Variants in PDE1C observed in about 807,000 individuals in gnomAD.
PDE1C encodes dual specificity calcium/calmodulin-dependent 3',5'-cyclic nucleotide phosphodiesterase 1C.
A neutral mutation model predicts 93.1 loss-of-function variants in PDE1C; 62 were observed. The ratio of observed to expected loss-of-function variants is 0.67; its 90% CI spans 0.54 to 0.82. The LOEUF (loss-of-function observed/expected upper bound fraction) is 0.82. Among genes scored for constraint, PDE1C ranks in the 40% least tolerant of loss-of-function variants. PDE1C has a pLI of 0.00. For missense variants in PDE1C, 742 were observed against 884.6 expected, an observed-to-expected ratio of 0.84 and a Z score of 2.04; for synonymous variants, 325 against 310.1, an observed-to-expected ratio of 1.05 and a Z score of -0.50.
chr7:32,038,195 C>T (rs902888134), intron 2 of PDE1C, among the ~76,000 whole-genome samples: 2 of 152,150 alleles, frequency 1.3e-5, no homozygotes, highest in African/African-American at 2.4e-5. Context: ...CCTCTTTATG[C>T]AGACCTGCAA....
At chr7:31,932,385 A>G (rs1462691370) in intron 2 of PDE1C, among the ~76,000 whole-genome samples, 1 of 152,084 alleles carries the variant, frequency 6.6e-6, no homozygotes, top group African/African-American at 2.4e-5. Flanking sequence ...AAAGAAAACG[A>G]CCCCATCAAA....
chr7:31,961,769 T>C (rs1047068008), intron 2 of PDE1C, among the ~76,000 whole-genome samples: 1 of 152,176 alleles, frequency 6.6e-6, no homozygotes, highest in Non-Finnish European at 1.5e-5. Context: ...TACATAAATA[T>C]ATAAACACAT....
chr7:31,745,890 ACTCATTTGAT>A, the PDE1C span, among the ~76,000 whole-genome samples: 2 of 152,170 alleles, frequency 1.3e-5, no homozygotes, highest in South Asian at 2.1e-4. Flanking sequence ...AATGCTTTGC[ACTCATTTGAT>A]CTCTTTATGC....
intron 9 of PDE1C, among the ~76,000 whole-genome samples, chr7:31,839,021 TTTATATA>T (rs1035248252): frequency 1.3e-5 from 2 of 148,316 alleles, no homozygotes; most frequent in Admixed American, 6.8e-5. Context: ...GATTTCAATA[TTTATATA>T]TTATATACAC....
chr7:32,232,548 T>C (rs1807779040), intron 1 of PDE1C, among the ~76,000 whole-genome samples: 1 of 152,118 alleles, frequency 6.6e-6, no homozygotes, highest in African/African-American at 2.4e-5. Flanking sequence ...GACACTTAAA[T>C]AAAAGCTCTA....
chr7:32,290,731 A>G (rs532465830), intron 1 of PDE1C, among the ~76,000 whole-genome samples: 40 of 152,322 alleles, frequency 2.6e-4, no homozygotes, highest in Non-Finnish European at 1.8e-4. Flanking sequence ...CAAGTGACAC[A>G]GTAAATCCTG....
At chr7:31,620,741 T>A in the PDE1C span, among the ~76,000 whole-genome samples, 1 of 151,734 alleles carries the variant, frequency 6.6e-6, no homozygotes, top group Admixed American at 6.6e-5. Context: ...TCACCAGCAA[T>A]GGAACAAAGC....
At chr7:32,148,572 ATAT>A (rs1801052998) in intron 3 of PDE1C, among the ~76,000 whole-genome samples, 1 of 152,184 alleles carries the variant, frequency 6.6e-6, no homozygotes, top group Non-Finnish European at 1.5e-5. Flanking sequence ...CTAAACTTAT[ATAT>A]TTAAGTTTCC....
At chr7:31,907,493 T>C (rs10259190) in intron 2 of PDE1C, among the ~76,000 whole-genome samples, 65,295 of 152,012 alleles carry the variant, frequency 0.43, 15,857 homozygotes, top group Non-Finnish European at 0.54. Context: ...TGAGCAACGA[T>C]GGGAATGTAA....
chr7:31,898,045 TGTG>T (rs1799531859), intron 2 of PDE1C, among the ~76,000 whole-genome samples: 1 of 151,100 alleles, frequency 6.6e-6, no homozygotes, highest in African/African-American at 2.5e-5. Flanking sequence ...TGTGTGTGTG[TGTG>T]TGTGTGTGTG....
chr7:31,844,603 G>A (rs1792319120), intron 9 of PDE1C, among the ~76,000 whole-genome samples: 1 of 151,810 alleles, frequency 6.6e-6, no homozygotes, highest in South Asian at 2.1e-4. Context: ...ACTATAATAT[G>A]TGCCTCAGTG....
At chr7:31,889,888 T>A (rs1167912700) in intron 2 of PDE1C, among the ~76,000 whole-genome samples, 1 of 152,216 alleles carries the variant, frequency 6.6e-6, no homozygotes, top group Non-Finnish European at 1.5e-5. Context: ...TCCCTAACAG[T>A]CATTCTTGGC....
intron 6 of PDE1C, 69 bp from the exon 7 acceptor site, chr7:31,865,151 G>C: frequency 6.4e-7 from 1 of 1,560,236 alleles, no homozygotes. Context: ...AGAAGTCTAA[G>C]GCACCAGGAC....
intron 15 of PDE1C, among the ~76,000 whole-genome samples, chr7:31,812,883 A>G (rs1787724116): frequency 6.6e-6 from 1 of 152,104 alleles, no homozygotes. Context: ...GAGCATTGAG[A>G]CTCACACAGA....
At chr7:31,931,478 C>T (rs910133536) in intron 2 of PDE1C, among the ~76,000 whole-genome samples, 9 of 152,172 alleles carry the variant, frequency 5.9e-5, no homozygotes, top group Admixed American at 2.6e-4. Context: ...TGAGTGAACT[C>T]CCATTCACAA....
At chr7:32,409,476 C>T (rs989024237) in intron 1 of PDE1C, among the ~76,000 whole-genome samples, 3 of 152,088 alleles carry the variant, frequency 2.0e-5, no homozygotes, top group African/African-American at 7.2e-5. Flanking sequence ...AAAGACAAAT[C>T]TCACTGAAGA....
intron 1 of PDE1C, among the ~76,000 whole-genome samples, chr7:32,216,940 G>A (rs6971522): frequency 0.82 from 124,179 of 152,080 alleles, 51,204 homozygotes; most frequent in East Asian, 0.92. Flanking sequence ...GAGGGTACCA[G>A]CCTGCAGGCA....
At chr7:31,948,546 CA>C (rs1806932615) in intron 2 of PDE1C, among the ~76,000 whole-genome samples, 2 of 152,094 alleles carry the variant, frequency 1.3e-5, no homozygotes. Flanking sequence ...AGTAGAGTAC[CA>C]AGAGAAGGTA....
intron 16 of PDE1C, among the ~76,000 whole-genome samples, chr7:31,801,517 G>A (rs1378933671): frequency 1.3e-5 from 2 of 151,394 alleles, no homozygotes; most frequent in Non-Finnish European, 3.0e-5. Flanking sequence ...ATTATGTCAA[G>A]TTGATTGACA....
Sources: gnomAD v4.1 joint callset for allele counts (sites outside exome capture counted in the v4.1 genomes callset) on GRCh38, gnomAD v4.1.1 for gene constraint, MANE v1.5 for transcripts, NCBI Gene and HGNC (gene_info 2026-07-23, HGNC 2026-07-21) for gene names.